The following LRIF1 variants were observed in gnomAD, a reference collection of about 807,000 sequenced individuals.
LRIF1 encodes ligand dependent nuclear receptor interacting factor 1.
A neutral mutation model predicts 52.7 loss-of-function variants in LRIF1; 32 were observed. That is an observed-to-expected ratio of 0.61 (90% CI 0.46 to 0.82). The LOEUF (loss-of-function observed/expected upper bound fraction) is 0.82, where lower values mean the gene tolerates loss of function less well. Ranked by LOEUF, LRIF1 falls within the 40% of genes least tolerant of loss-of-function variation. LRIF1 has a pLI of 0.00. For synonymous variants in LRIF1, 323 were observed against 317.4 expected (o/e 1.02, Z -0.19); for missense variants, 887 against 892.0 (o/e 0.99, Z 0.07).
At chr1:110,959,111 T>C (rs1275370663) in intron 1 of LRIF1, among the ~76,000 whole-genome samples, 1 of 152,212 alleles carries the variant, frequency 6.6e-6, no homozygotes, top group Admixed American at 6.5e-5. Flanking sequence ...GCATCCCATT[T>C]TCTAGTCTGG....
In LRIF1 at chr1:110,963,709, C is replaced by T. The variant is rs1659064552; in HGVS notation, c.-21G>A. 5.1e-6 allele frequency: 8 copies of T among 1,581,770 alleles called. No homozygotes were observed. The highest frequency in any genetic ancestry group is 6.1e-6 in the Non-Finnish European group (7 of 1,155,032). On this transcript the variant is annotated 5_prime_UTR_variant, in exon 1 of 4. Transcript: ENST00000369763. ...GACATTTTAGTGGGGAGAAAGGGGA[C>T]ACCTCATCCAGAAAAGTGGGAAGCG...
At position 110,963,869 on chromosome 1, in the gene LRIF1, CG is replaced by C. The variant is rs1659072517; in HGVS notation, c.-182del. The C allele has an allele frequency of 4.2e-6, 2 of 480,212 alleles. No individual in the cohort carries two copies. Among genetic ancestry groups the C allele is most frequent in the South Asian group, 5.4e-5 (2 of 36,756 alleles). The allele number at this position is 480,212 out of a possible 1,614,324, so 29.7% of individuals were successfully genotyped here. On this transcript the variant is annotated 5_prime_UTR_variant, in exon 1 of 4. Transcript: ENST00000369763. The stretch of plus-strand genomic sequence containing the variant: ...CTCGAGAGGGTGTATCCCCAGGCTT[CG>C]GGACGAGGTCGCGCACCGCGCAGAA...
downstream of LRIF1, among the ~76,000 whole-genome samples, chr1:110,945,690 G>C (rs1484636350): frequency 6.6e-6 from 1 of 152,188 alleles, no homozygotes. Context: ...GCTTCCCAAA[G>C]TGCTGGGATT....
the LRIF1 span, among the ~76,000 whole-genome samples, chr1:110,920,699 T>C: frequency 6.6e-6 from 1 of 152,216 alleles, no homozygotes; most frequent in South Asian, 2.1e-4. Context: ...GATAACGATG[T>C]GTTAGTGCAA....
At chr1:110,953,059 A>T (rs946150527) in intron 1 of LRIF1, 2 of 181,890 alleles carry the variant, frequency 1.1e-5, no homozygotes, top group African/African-American at 2.4e-5. Flanking sequence ...GACTAAAAGT[A>T]GACATTTCTA....
At chr1:110,880,834 G>A in the LRIF1 span, among the ~76,000 whole-genome samples, 1 of 152,110 alleles carries the variant, frequency 6.6e-6, no homozygotes, top group Admixed American at 6.5e-5. Context: ...AGGTACACAG[G>A]TATTACAGAT....
chr1:110,919,632 C>T, the LRIF1 span, among the ~76,000 whole-genome samples: 1 of 152,132 alleles, frequency 6.6e-6, no homozygotes, highest in Non-Finnish European at 1.5e-5. Context: ...GGTAAATTGG[C>T]TAAACTTTTC....
At chr1:110,955,073 T>G (rs1658640789) in intron 1 of LRIF1, among the ~76,000 whole-genome samples, 1 of 152,230 alleles carries the variant, frequency 6.6e-6, no homozygotes, top group South Asian at 2.1e-4. Context: ...TTTTAACATT[T>G]TCATTCAGAA....
rs746694252 is a variant in LRIF1, at chr1:110,947,942, A to G, written c.*17T>C. ...TTTTAAAAAACAGCTATTTCACTGA[A>G]GTCTTTACAGGAGATTTTATTTTTG... On this transcript the variant is annotated 3_prime_UTR_variant, in exon 4 of 4. Transcript: ENST00000369763. 24 of 1,553,328 alleles carry G rather than the reference A, an allele frequency of 1.5e-5. No homozygotes were observed. In the Admixed American group the frequency reaches 5.1e-4, roughly 33 times the overall value.
chr1:110,963,610 C>G lies in LRIF1; in HGVS notation c.68+11G>C, dbSNP rs1347032165. 6.2e-7 allele frequency: 1 copy of G among 1,604,330 alleles called. No individual in the cohort carries two copies. On this transcript the variant is annotated intron_variant, in intron 1 of 3. Transcript: ENST00000369763. Reference sequence around the variant, plus strand: ...GGGCAGCCGTGGGGAGGATTCGAAACCGGTACTTACCAACGCGAGGCGTTG... The same window carrying G: ...GGGCAGCCGTGGGGAGGATTCGAAAGCGGTACTTACCAACGCGAGGCGTTG...
the LRIF1 span, among the ~76,000 whole-genome samples, chr1:110,931,316 AT>A: frequency 6.6e-6 from 1 of 152,028 alleles, no homozygotes; most frequent in Non-Finnish European, 1.5e-5. Flanking sequence ...ACATGAACTC[AT>A]CCTTTTTCAT....
the LRIF1 span, among the ~76,000 whole-genome samples, chr1:110,884,748 A>G: frequency 6.6e-6 from 1 of 152,098 alleles, no homozygotes; most frequent in Non-Finnish European, 1.5e-5. Context: ...TTAGTCTAAT[A>G]TAGACACTCC....
In LRIF1 at chr1:110,949,848, T is replaced by C. The variant is rs1244588714; in HGVS notation, c.1869+3A>G. Reference sequence around the variant, plus strand: ...GAAGAGCACATTAAAATGTATTACCTACCTGTTTTCTCTCTCCTTCCTTCA... The same window carrying C: ...GAAGAGCACATTAAAATGTATTACCCACCTGTTTTCTCTCTCCTTCCTTCA... On this transcript the variant is annotated splice_donor_region_variant and intron_variant, in intron 3 of 3. Coordinates refer to ENST00000369763, the MANE Select transcript of LRIF1 (RefSeq NM_018372.4). 1.2e-6 allele frequency: 2 copies of C among 1,612,452 alleles called. No individual in the cohort carries two copies. The highest frequency in any genetic ancestry group is 1.6e-4 in the Middle Eastern group (1 of 6,076).
chr1:110,963,626 C>T lies in LRIF1; in HGVS notation c.63G>A (p.Ser21=), dbSNP rs1659060276. 6 of 1,609,048 alleles carry T rather than the reference C, an allele frequency of 3.7e-6. No individual in the cohort carries two copies. The highest frequency in any genetic ancestry group is 1.1e-5 in the South Asian group (1 of 90,796). ...KPAEENSGNA[S]RCVSGCMYQV... ...GATTCGAAACCGGTACTTACCAACGCGAGGCGTTGCCTGAATTTTCCTCTG... is the reference window on the plus strand; with the variant it reads ...GATTCGAAACCGGTACTTACCAACGTGAGGCGTTGCCTGAATTTTCCTCTG... Residue 21 remains serine, a synonymous_variant, in exon 1 of 4, where the codon TCG becomes TCA. Coordinates refer to ENST00000369763, the MANE Select transcript of LRIF1 (RefSeq NM_018372.4).
At chr1:110,939,195 G>A in the LRIF1 span, 2 of 151,950 alleles carry the variant, frequency 1.3e-5, no homozygotes, top group African/African-American at 4.8e-5. Context: ...TGGCTAACAC[G>A]GTGAAACCCC....
the LRIF1 span, among the ~76,000 whole-genome samples, chr1:110,887,129 T>C: frequency 1.5e-4 from 23 of 151,900 alleles, no homozygotes; most frequent in African/African-American, 5.3e-4. Flanking sequence ...AGTGGCGCGA[T>C]CTCGGCTCAC....
chr1:110,930,650 C>T, the LRIF1 span, among the ~76,000 whole-genome samples: 1 of 152,254 alleles, frequency 6.6e-6, no homozygotes, highest in Non-Finnish European at 1.5e-5. Flanking sequence ...TCTCCAAATA[C>T]AGTTATACTG....
chr1:110,917,669 G>T, the LRIF1 span, among the ~76,000 whole-genome samples: 1 of 142,462 alleles, frequency 7.0e-6, no homozygotes, highest in African/African-American at 2.6e-5. Flanking sequence ...TTGGAGAGAG[G>T]TCAACATAAA....
At chr1:110,902,505 A>G in the LRIF1 span, among the ~76,000 whole-genome samples, 6 of 147,318 alleles carry the variant, frequency 4.1e-5, no homozygotes, top group African/African-American at 1.5e-4. Context: ...TAAAAAAAAA[A>G]AAAAAAAAAA....
Sources: allele counts gnomAD v4.1 joint callset (sites outside exome capture counted in the v4.1 genomes callset), GRCh38; gene constraint gnomAD v4.1.1; transcripts MANE v1.5; gene names NCBI Gene and HGNC (gene_info 2026-07-23, HGNC 2026-07-21).